CFDP1: variants seen among roughly 807,000 people sequenced by gnomAD.
CFDP1 encodes heterochromatin-stabilizing protein CFDP1.
CFDP1 carries 31 observed loss-of-function variants against 40.1 expected under a neutral mutation model. The ratio of observed to expected loss-of-function variants is 0.77; its 90% confidence interval spans 0.58 to 1.04. The LOEUF (loss-of-function observed/expected upper bound fraction) is 1.04, where lower values mean the gene tolerates loss of function less well. Ranked by LOEUF, CFDP1 falls within the 50% of genes least tolerant of loss-of-function variation. CFDP1 has a pLI of 0.00. For synonymous variants in CFDP1, 167 were observed against 120.0 expected (o/e 1.39, Z -2.56); for missense variants, 423 against 343.4 (o/e 1.23, Z -1.83).
In CFDP1 at chr16:75,397,071, G is replaced by A. The variant is rs557014757; in HGVS notation, c.531-1862C>T. 1.6e-4 allele frequency among the ~76,000 whole-genome samples: 24 copies of A among 152,006 alleles called. No homozygotes were observed. In the South Asian group the frequency reaches 3.1e-3, roughly 20 times the overall value. ...TGGGACTACGGGTGCCCGCCACCAC[G>A]CCCAGCTAATTTTTTTGTATTTTTA... is the stretch of plus-strand genomic sequence containing the variant. On this transcript the variant is annotated intron_variant, in intron 4 of 6. Transcript: ENST00000283882.
At chr16:75,410,080 A>G (rs1388045890) in intron 4 of CFDP1, among the ~76,000 whole-genome samples, 1 of 150,072 alleles carries the variant, frequency 6.7e-6, no homozygotes, top group Non-Finnish European at 1.5e-5. Flanking sequence ...AAAAAAAAAA[A>G]AAAAAACCCA....
At chr16:75,317,716 G>C (rs1031267709) in intron 5 of CFDP1, among the ~76,000 whole-genome samples, 1 of 152,154 alleles carries the variant, frequency 6.6e-6, no homozygotes, top group East Asian at 1.9e-4. Context: ...AACAGAGGAA[G>C]ACACAGCTTA....
chr16:75,372,221 T>G (rs2078757526), intron 5 of CFDP1: 1 of 152,194 alleles, frequency 6.6e-6, no homozygotes, highest in Non-Finnish European at 1.5e-5. Context: ...AAGAAGGGTT[T>G]TAATCTGAAG....
intron 1 of CFDP1, among the ~76,000 whole-genome samples, chr16:75,423,116 T>G (rs2079298423): frequency 6.6e-6 from 1 of 151,678 alleles, no homozygotes. Flanking sequence ...CCATCTCTAC[T>G]AAAAATACAA....
chr16:75,341,232 A>C (rs1036609764), intron 5 of CFDP1, among the ~76,000 whole-genome samples: 1 of 152,190 alleles, frequency 6.6e-6, no homozygotes, highest in African/African-American at 2.4e-5. Context: ...TAAATTAGGC[A>C]AGTTGCAGCA....
intron 1 of CFDP1, among the ~76,000 whole-genome samples, chr16:75,425,134 G>T (rs540467698): frequency 2.6e-5 from 4 of 152,028 alleles, no homozygotes; most frequent in Admixed American, 6.6e-5. Flanking sequence ...TCGTTAAATT[G>T]TCAATTCTTC....
chr16:75,346,072 G>A (rs1459165341), intron 5 of CFDP1, among the ~76,000 whole-genome samples: 1 of 152,234 alleles, frequency 6.6e-6, no homozygotes, highest in Admixed American at 6.5e-5. Context: ...TCAATGTTCA[G>A]TACTCCCAAT....
chr16:75,379,669 ATGTTCTGTATC>A (rs1226539183), intron 5 of CFDP1: 1 of 152,154 alleles, frequency 6.6e-6, no homozygotes, highest in Non-Finnish European at 1.5e-5. Flanking sequence ...AGATATGAAA[ATGTTCTGTATC>A]TTGACTATAT....
intron 4 of CFDP1, among the ~76,000 whole-genome samples, chr16:75,407,759 C>T (rs562341380): frequency 4.0e-5 from 6 of 151,390 alleles, no homozygotes; most frequent in Non-Finnish European, 5.9e-5. Flanking sequence ...TATAACTTGA[C>T]GGGATAAATC....
chr16:75,347,589 G>A (rs1353286342), intron 5 of CFDP1, among the ~76,000 whole-genome samples: 2 of 152,076 alleles, frequency 1.3e-5, no homozygotes, highest in Non-Finnish European at 2.9e-5. Context: ...TGAGGCAGGA[G>A]AATGGTGTGA....
At chr16:75,359,660 A>G (rs935263152) in intron 5 of CFDP1, among the ~76,000 whole-genome samples, 5 of 152,148 alleles carry the variant, frequency 3.3e-5, no homozygotes, top group African/African-American at 4.8e-5. Context: ...TCCACCTTGC[A>G]CTTGGTACCA....
chr16:75,396,794 G>A (rs1312885954), intron 4 of CFDP1, among the ~76,000 whole-genome samples: 2 of 151,232 alleles, frequency 1.3e-5, no homozygotes, highest in Non-Finnish European at 2.9e-5. Flanking sequence ...TTTAATCCCT[G>A]CCCAGGCTTT....
At chr16:75,380,718 T>C (rs1239918669) in intron 5 of CFDP1, among the ~76,000 whole-genome samples, 1 of 152,160 alleles carries the variant, frequency 6.6e-6, no homozygotes, top group East Asian at 1.9e-4. Context: ...CTTTCAATTA[T>C]AATATCTGAA....
intron 5 of CFDP1, among the ~76,000 whole-genome samples, chr16:75,346,615 A>G (rs1321016163): frequency 7.9e-6 from 1 of 126,644 alleles, no homozygotes; most frequent in African/African-American, 3.0e-5. Context: ...AAAAAAAAAA[A>G]GAGTACCAGG....
intron 5 of CFDP1, among the ~76,000 whole-genome samples, chr16:75,361,983 A>T (rs2078682530): frequency 6.6e-6 from 1 of 152,160 alleles, no homozygotes; most frequent in Non-Finnish European, 1.5e-5. Context: ...AATAATTCCC[A>T]TACCTACAGG....
At chr16:75,369,907 C>T in intron 5 of CFDP1, among the ~76,000 whole-genome samples, 1 of 151,844 alleles carries the variant, frequency 6.6e-6, no homozygotes, top group East Asian at 1.9e-4. Flanking sequence ...TACAGGCCTG[C>T]ACCACCAAGC....
At chr16:75,341,182 C>T (rs958752421) in intron 5 of CFDP1, among the ~76,000 whole-genome samples, 1 of 152,142 alleles carries the variant, frequency 6.6e-6, no homozygotes, top group Non-Finnish European at 1.5e-5. Context: ...TGACAAGGCA[C>T]CAGTTTTTAA....
intron 5 of CFDP1, among the ~76,000 whole-genome samples, chr16:75,357,738 C>T (rs1258554580): frequency 6.6e-6 from 1 of 152,190 alleles, no homozygotes; most frequent in East Asian, 1.9e-4. Context: ...TTCAAGCTGT[C>T]TTCAGATCAG....
intron 4 of CFDP1, chr16:75,409,596 C>T (rs930774328): frequency 6.6e-6 from 1 of 152,144 alleles, no homozygotes; most frequent in East Asian, 1.9e-4. Flanking sequence ...TAGTAATCTG[C>T]TCTAACATTA....
Sources: gnomAD v4.1 joint callset for allele counts (sites outside exome capture counted in the v4.1 genomes callset) on GRCh38, gnomAD v4.1.1 for gene constraint, MANE v1.5 for transcripts, NCBI Gene and HGNC (gene_info 2026-07-23, HGNC 2026-07-21) for gene names.